The following PCDH9 variants were observed in gnomAD, a reference collection of about 807,000 sequenced individuals.
The protein encoded by PCDH9 is protocadherin-9.
PCDH9 carries 24 observed loss-of-function variants against 70.6 expected under a neutral mutation model. The observed-to-expected ratio is 0.34, with a 90% CI of 0.25 to 0.48. The LOEUF (loss-of-function observed/expected upper bound fraction) is 0.48, where lower values mean the gene tolerates loss of function less well. PCDH9 is among the 20% of genes least tolerant of loss of function. The pLI is 0.99. For synonymous variants in PCDH9, 562 were observed against 558.5 expected, an observed-to-expected ratio of 1.01 and a Z score of -0.09; for missense variants, 1,281 against 1,503.6, an observed-to-expected ratio of 0.85 and a Z score of 2.45.
intron 3 of PCDH9, among the ~76,000 whole-genome samples, chr13:66,879,341 G>T (rs980417279): frequency 1.3e-5 from 2 of 152,060 alleles, no homozygotes; most frequent in Non-Finnish European, 2.9e-5. Context: ...CTACATAATT[G>T]CTTTGGCAAC....
At chr13:66,385,221 A>G (rs1956909601) in intron 4 of PCDH9, among the ~76,000 whole-genome samples, 1 of 152,130 alleles carries the variant, frequency 6.6e-6, no homozygotes, top group Non-Finnish European at 1.5e-5. Flanking sequence ...ATAATATTCA[A>G]TTGTTATGTA....
chr13:66,787,485 G>A (rs564715942), intron 3 of PCDH9, among the ~76,000 whole-genome samples: 16 of 151,838 alleles, frequency 1.1e-4, no homozygotes, highest in Middle Eastern at 3.4e-3. Context: ...GCATGGTAGC[G>A]GGTACCTTTA....
In PCDH9 at chr13:66,903,518, C is replaced by T. The variant is rs769157058; in HGVS notation, c.3124G>A (p.Glu1042Lys). ...STGFHIQENE[E>K]SHYESQRRVT... ...ATATGGCATACCTCGTAATGGCTTT[C>T]TTCATTCTCCTGAATGTGGAAACCC... The change falls in exon 3 of 5, where the codon GAA (glutamate) becomes AAA (lysine). Residue 1042 changes from glutamate to lysine, a missense_variant. By Grantham distance (56) the Glu-to-Lys change is moderately conservative. Coordinates refer to ENST00000377865, the MANE Select transcript of PCDH9 (RefSeq NM_203487.3). The T allele has an allele frequency of 6.7e-7, 1 of 1,500,420 alleles. No homozygotes were observed. Among genetic ancestry groups the T allele is most frequent in the East Asian group, 2.3e-5 (1 of 44,124 alleles). The allele number at this position is 1,500,420 out of a possible 1,614,324, so 92.9% of individuals were successfully genotyped here. A position where few individuals can be genotyped will look rare whatever the true frequency, so the allele number is the denominator to read the frequency against.
intron 4 of PCDH9, among the ~76,000 whole-genome samples, chr13:66,574,154 T>C (rs1361655674): frequency 6.6e-6 from 1 of 152,194 alleles, no homozygotes; most frequent in African/African-American, 2.4e-5. Context: ...CAACAACACA[T>C]TCTTAGTTGA....
intron 2 of PCDH9, chr13:67,210,618 T>A (rs192564255): frequency 6.6e-6 from 1 of 151,270 alleles, no homozygotes; most frequent in South Asian, 2.1e-4. Context: ...CAATTTTTAA[T>A]AATAGAAATA....
intron 3 of PCDH9, among the ~76,000 whole-genome samples, chr13:66,786,655 T>C (rs1383160692): frequency 1.3e-5 from 2 of 152,172 alleles, no homozygotes; most frequent in African/African-American, 2.4e-5. Flanking sequence ...ACCCCTGACC[T>C]ATCTTTCAAC....
chr13:66,960,104 T>C (rs555583606), intron 2 of PCDH9, among the ~76,000 whole-genome samples: 2 of 152,180 alleles, frequency 1.3e-5, no homozygotes, highest in African/African-American at 4.8e-5. Context: ...GCAAGAAAGA[T>C]CCGTTTTTAA....
chr13:66,360,105 A>G (rs183848646), intron 4 of PCDH9, among the ~76,000 whole-genome samples: 2 of 152,222 alleles, frequency 1.3e-5, no homozygotes, highest in Admixed American at 1.3e-4. Context: ...GATCACACAG[A>G]GAATCCTGCA....
At chr13:66,839,921 C>A (rs1433171424) in intron 3 of PCDH9, among the ~76,000 whole-genome samples, 1 of 152,212 alleles carries the variant, frequency 6.6e-6, no homozygotes, top group Non-Finnish European at 1.5e-5. Flanking sequence ...TTCTGATTCA[C>A]AACTATTCAA....
chr13:67,033,935 T>C (rs954565757), intron 2 of PCDH9, among the ~76,000 whole-genome samples: 1 of 152,182 alleles, frequency 6.6e-6, no homozygotes, highest in Non-Finnish European at 1.5e-5. Flanking sequence ...AATTCTTTTA[T>C]AAGAAAATCA....
At chr13:66,516,660 T>C (rs1959750305) in intron 4 of PCDH9, among the ~76,000 whole-genome samples, 1 of 152,054 alleles carries the variant, frequency 6.6e-6, no homozygotes, top group South Asian at 2.1e-4. Flanking sequence ...TTTAGGCATT[T>C]GTCTACATGC....
In PCDH9 at chr13:66,519,302, AT is replaced by A. The variant is rs201568822; in HGVS notation, c.3340+111907del. ...TCTATATTAGAAATTGTTTATTATT[AT>A]TATAACAATCAGTACAGATACCCAT... On this transcript the variant is annotated intron_variant, in intron 4 of 4. Coordinates refer to ENST00000377865, the MANE Select transcript of PCDH9 (RefSeq NM_203487.3). Among the ~76,000 whole-genome samples, 712 of 152,290 alleles carry A rather than the reference AT, an allele frequency of 4.7e-3. 30 individuals carry two copies. The East Asian group carries it at 0.092, about 20-fold the overall frequency.
At chr13:66,548,451 G>A (rs1961318447) in intron 4 of PCDH9, among the ~76,000 whole-genome samples, 2 of 151,916 alleles carry the variant, frequency 1.3e-5, no homozygotes, top group South Asian at 4.2e-4. Flanking sequence ...TGTAATCTCG[G>A]CTACTAGGGA....
chr13:66,876,071 C>G (rs566496101), intron 3 of PCDH9, among the ~76,000 whole-genome samples: 3 of 152,216 alleles, frequency 2.0e-5, no homozygotes, highest in South Asian at 4.1e-4. Context: ...ATCCATCGTG[C>G]TATCATATGA....
At position 67,228,024 on chromosome 13, in the gene PCDH9, G is replaced by A. The variant is rs551296596; in HGVS notation, c.417C>T (p.Ala139=). 6.2e-7 allele frequency: 1 copy of A among 1,613,910 alleles called. No individual in the cohort carries two copies. The change falls in exon 2 of 5, where the codon GCC becomes GCT. Residue 139 remains alanine, a synonymous_variant. Transcript: ENST00000377865. ...TGATGACAGGAGATGGAAACATGGG[G>A]GCATTATCATTGGTATCCTTGACAA... ...KIIVKDTNDN[A]PMFPSPVINI...
intron 3 of PCDH9, among the ~76,000 whole-genome samples, chr13:66,763,610 T>C (rs1453501558): frequency 6.6e-6 from 1 of 152,054 alleles, no homozygotes; most frequent in Non-Finnish European, 1.5e-5. Context: ...TGAGTAGTCA[T>C]CTTTACAAAA....
At chr13:66,706,119 T>C (rs9564333) in intron 3 of PCDH9, among the ~76,000 whole-genome samples, 30,472 of 152,180 alleles carry the variant, frequency 0.2, 3,297 homozygotes, top group Middle Eastern at 0.31. Context: ...TTAGAGTATG[T>C]ATTTGAACGG....
At position 66,894,307 on chromosome 13, in the gene PCDH9, A is replaced by G. The variant is rs183027788; in HGVS notation, c.3138+9197T>C. The stretch of plus-strand genomic sequence containing the variant: ...AACTATCTAAAGAAAAAAAAAATTC[A>G]AATAATTTTTCCTTAACAATTAGAG... On this transcript the variant is annotated intron_variant, in intron 3 of 4. Coordinates refer to ENST00000377865, the MANE Select transcript of PCDH9 (RefSeq NM_203487.3). 1.6e-3 allele frequency among the ~76,000 whole-genome samples: 249 copies of G among 152,282 alleles called. 4 individuals carry two copies. The highest frequency in any genetic ancestry group is 3.8e-4 in the Non-Finnish European group (26 of 68,020).
intron 3 of PCDH9, among the ~76,000 whole-genome samples, chr13:66,799,650 G>T (rs934209088): frequency 6.6e-6 from 1 of 151,986 alleles, no homozygotes; most frequent in Non-Finnish European, 1.5e-5. Context: ...CACAACTTAC[G>T]TTATTTAAGT....
Sources: allele counts gnomAD v4.1 joint callset (sites outside exome capture counted in the v4.1 genomes callset), GRCh38; gene constraint gnomAD v4.1.1; transcripts MANE v1.5; gene names NCBI Gene and HGNC (gene_info 2026-07-23, HGNC 2026-07-21).